The following PXT1 variants were observed in gnomAD, a reference collection of about 807,000 sequenced individuals.
The protein encoded by PXT1 is peroxisomal testis enriched protein 1.
A neutral mutation model predicts 11.0 loss-of-function variants in PXT1; 11 were observed. The observed-to-expected ratio is 1.00, with a 90% CI of 0.63 to 1.66. PXT1 has a LOEUF of 1.66. Among genes scored for constraint, PXT1 ranks in the 40% most tolerant of loss-of-function variants. The probability of loss-of-function intolerance (pLI) is 0.00; values close to 1 mark genes in which losing one functional copy is unlikely to be tolerated. For synonymous variants in PXT1, 43 were observed against 51.4 expected (o/e 0.84, Z 0.70); for missense variants, 141 against 155.5 (o/e 0.91, Z 0.49).
intron 3 of PXT1, among the ~76,000 whole-genome samples, chr6:36,402,650 G>C (rs191643553): frequency 6.6e-6 from 1 of 152,314 alleles, no homozygotes; most frequent in Non-Finnish European, 1.5e-5. Context: ...AGTGCAAACA[G>C]GACATTCCAG....
At chr6:36,402,251 G>C (rs989115671) in intron 3 of PXT1, among the ~76,000 whole-genome samples, 1 of 152,190 alleles carries the variant, frequency 6.6e-6, no homozygotes, top group African/African-American at 2.4e-5. Flanking sequence ...AAAGAATACA[G>C]ACAAGGTTTC....
intron 4 of PXT1, among the ~76,000 whole-genome samples, chr6:36,394,624 A>G (rs1296094347): frequency 6.6e-6 from 1 of 152,064 alleles, no homozygotes; most frequent in Non-Finnish European, 1.5e-5. Flanking sequence ...ACCCAGAAGG[A>G]GAGAAAAATT....
chr6:36,391,906 T>G (rs551810823), intron 4 of PXT1, 32 bp from the exon 5 acceptor site: 41 of 786,788 alleles, frequency 5.2e-5, no homozygotes, highest in Non-Finnish European at 6.4e-5. Context: ...CAGAGAAAGG[T>G]TTTTTTTTTT....
At chr6:36,441,734 T>C (rs181866553) in intron 1 of PXT1, among the ~76,000 whole-genome samples, 116 of 152,260 alleles carry the variant, frequency 7.6e-4, no homozygotes, top group African/African-American at 2.3e-3. Context: ...AGAATAGAAA[T>C]GGAAAATGAC....
At chr6:36,428,303 G>A (rs1177960681) in intron 2 of PXT1, among the ~76,000 whole-genome samples, 1 of 151,814 alleles carries the variant, frequency 6.6e-6, no homozygotes, top group Non-Finnish European at 1.5e-5. Flanking sequence ...AAATTAGCCA[G>A]GCGTGATGGC....
chr6:36,421,510 G>A (rs1032007275), intron 3 of PXT1, among the ~76,000 whole-genome samples: 2 of 152,150 alleles, frequency 1.3e-5, no homozygotes, highest in Non-Finnish European at 2.9e-5. Flanking sequence ...AAGGGTTTAC[G>A]AATAACCACA....
intron 1 of PXT1, among the ~76,000 whole-genome samples, chr6:36,440,120 T>G (rs1359429615): frequency 7.1e-6 from 1 of 140,138 alleles, no homozygotes; most frequent in Non-Finnish European, 1.5e-5. Flanking sequence ...AAAACGAACA[T>G]TTAGCAAATT....
rs138575826 is a variant in PXT1 at position 36,391,615 on chromosome 6, C to T, written c.*155G>A. The T allele has an allele frequency of 2.7e-3, 1,810 of 663,098 alleles. 24 individuals are homozygous for T. The highest frequency in any genetic ancestry group is 9.9e-3 in the Middle Eastern group (40 of 4,050). 41.1% of individuals were successfully genotyped at this position (663,098 alleles called of 1,614,324 possible). On this transcript the variant is annotated 3_prime_UTR_variant, in exon 5 of 5. Coordinates refer to ENST00000454782, the MANE Select transcript of PXT1 (RefSeq NM_152990.4). ...CGAAGAGACAAATGGCTCGTGAACCCGCAGTTCTTCAACAAACTGGGTGTA... is the reference window on the plus strand; with the variant it reads ...CGAAGAGACAAATGGCTCGTGAACCTGCAGTTCTTCAACAAACTGGGTGTA...
At chr6:36,416,299 T>C (rs1292673505) in intron 3 of PXT1, among the ~76,000 whole-genome samples, 2 of 152,074 alleles carry the variant, frequency 1.3e-5, no homozygotes, top group East Asian at 3.9e-4. Context: ...CAGTGAGCTA[T>C]GATCATGCCA....
intron 3 of PXT1, among the ~76,000 whole-genome samples, chr6:36,424,723 G>T (rs968559219): frequency 2.0e-5 from 3 of 151,988 alleles, no homozygotes; most frequent in Non-Finnish European, 4.4e-5. Flanking sequence ...ATACCAGGCC[G>T]GTCGCGGTGG....
At chr6:36,404,727 G>A (rs1452983149) in intron 3 of PXT1, among the ~76,000 whole-genome samples, 1 of 152,106 alleles carries the variant, frequency 6.6e-6, no homozygotes, top group Non-Finnish European at 1.5e-5. Flanking sequence ...GGAGGCCAAG[G>A]TGGGTGGATC....
Position 36,420,228 on chromosome 6 carries a change from T to C in PXT1, c.169+5686A>G, listed in dbSNP as rs140919201. ...TTACAAACAGAAATATGTTTAAGGT[T>C]ATCTGTTGCAGCATTGGTTTCAATA... On this transcript the variant is annotated intron_variant, in intron 3 of 4. Coordinates refer to ENST00000454782, the MANE Select transcript of PXT1 (RefSeq NM_152990.4). Among the ~76,000 whole-genome samples the C allele has an allele frequency of 4.7e-3, 720 of 152,308 alleles. 4 individuals are homozygous for C. The highest frequency in any genetic ancestry group is 0.016 in the African/African-American group (667 of 41,570).
At chr6:36,427,336 C>A (rs1774623338) in intron 2 of PXT1, among the ~76,000 whole-genome samples, 1 of 151,928 alleles carries the variant, frequency 6.6e-6, no homozygotes, top group Admixed American at 6.6e-5. Flanking sequence ...GCATTTAATT[C>A]TTTTGACTTG....
At chr6:36,424,722 C>T (rs1003878253) in intron 3 of PXT1, among the ~76,000 whole-genome samples, 2 of 147,458 alleles carry the variant, frequency 1.4e-5, no homozygotes, top group East Asian at 2.1e-4. Context: ...GATACCAGGC[C>T]GGTCGCGGTG....
chr6:36,425,877 G>A (rs1774598535), intron 3 of PXT1, 37 bp downstream of exon 3: 3 of 1,419,986 alleles, frequency 2.1e-6, no homozygotes, highest in Non-Finnish European at 2.8e-6. Flanking sequence ...CACATGCTAA[G>A]TAAACTATTT....
At chr6:36,439,644 GA>G (rs11478447) in intron 1 of PXT1, among the ~76,000 whole-genome samples, 71,904 of 102,712 alleles carry the variant, frequency 0.7, 23,467 homozygotes, top group South Asian at 0.77. Flanking sequence ...ATATAAGGCT[GA>G]AAAAAAAAAA....
intron 2 of PXT1, among the ~76,000 whole-genome samples, chr6:36,430,848 G>A (rs990818408): frequency 5.9e-5 from 9 of 151,982 alleles, no homozygotes; most frequent in African/African-American, 1.7e-4. Flanking sequence ...AGGCTGGAGT[G>A]CAGTGGCCCA....
In PXT1 at chr6:36,391,868, G is replaced by A; in HGVS notation, c.307C>T (p.Gln103Ter). 6.3e-7 allele frequency: 1 copy of A among 1,593,866 alleles called. No homozygotes were observed. The highest frequency in any genetic ancestry group is 8.6e-7 in the Non-Finnish European group (1 of 1,168,264). The change falls in exon 5 of 5, where the codon CAA becomes TAA. Residue 103 changes from glutamine to a stop codon, truncating the protein, a stop_gained. Coordinates refer to ENST00000454782, the MANE Select transcript of PXT1 (RefSeq NM_152990.4). LOFTEE classifies it low-confidence loss of function (END_TRUNC). The stretch of plus-strand genomic sequence containing the variant: ...TCTAGTGCATCTCTGCCATCCTGTT[G>A]AAGATCCTATTTGAAAAAAGGGAGA... ...IDHRMVREDL[Q>*]QDGRDALDHF...
chr6:36,402,280 A>G (rs1582249951), intron 3 of PXT1, among the ~76,000 whole-genome samples: 1 of 152,224 alleles, frequency 6.6e-6, no homozygotes, highest in Admixed American at 6.5e-5. Flanking sequence ...AGTCACTTAG[A>G]AACCATGGGT....
Sources: gnomAD v4.1 joint callset for allele counts (sites outside exome capture counted in the v4.1 genomes callset) on GRCh38, gnomAD v4.1.1 for gene constraint, MANE v1.5 for transcripts, NCBI Gene and HGNC (gene_info 2026-07-23, HGNC 2026-07-21) for gene names.